Variants in ADARB2 observed in about 807,000 individuals in gnomAD.
The protein encoded by ADARB2 is inactive double-stranded RNA-specific editase B2.
In ADARB2, 25 loss-of-function variants were observed where a neutral mutation model predicts 62.2. The ratio of observed to expected loss-of-function variants is 0.40; its 90% CI spans 0.29 to 0.56. ADARB2 has a LOEUF of 0.56. Among genes scored for constraint, ADARB2 ranks in the 20% least tolerant of loss-of-function variants. The pLI is 0.43. For synonymous variants in ADARB2, 572 were observed against 500.8 expected, an observed-to-expected ratio of 1.14 and a Z score of -1.90; for missense variants, 1,071 against 1,077.4, an observed-to-expected ratio of 0.99 and a Z score of 0.08.
intron 1 of ADARB2, among the ~76,000 whole-genome samples, chr10:1,523,555 T>A (rs1240555439): frequency 6.6e-6 from 1 of 152,250 alleles, no homozygotes; most frequent in African/African-American, 2.4e-5. Flanking sequence ...ATCACGAGTT[T>A]CTGCATTTTG....
chr10:1,200,428 G>C (rs1016298942), intron 7 of ADARB2: 1 of 478,796 alleles, frequency 2.1e-6, no homozygotes. Context: ...TTCTCTGTGG[G>C]ACTTAGAATT....
intron 1 of ADARB2, among the ~76,000 whole-genome samples, chr10:1,578,629 C>G (rs1343474381): frequency 1.3e-5 from 2 of 151,210 alleles, no homozygotes; most frequent in African/African-American, 4.9e-5. Flanking sequence ...CCACTGTTCT[C>G]CATGAGCTCA....
intron 2 of ADARB2, among the ~76,000 whole-genome samples, chr10:1,373,814 G>A (rs2805502): frequency 0.33 from 26,817 of 82,214 alleles, 4,253 homozygotes; most frequent in East Asian, 0.55. Flanking sequence ...TAGTGAGACC[G>A]CGTGGACTCC....
At chr10:1,409,647 T>C (rs1588247801) in intron 1 of ADARB2, among the ~76,000 whole-genome samples, 1 of 138,402 alleles carries the variant, frequency 7.2e-6, no homozygotes, top group Non-Finnish European at 1.6e-5. Context: ...GGCCTGGCTG[T>C]GGTCATGGTG....
intron 4 of ADARB2, among the ~76,000 whole-genome samples, chr10:1,264,451 G>A (rs1459840609): frequency 6.6e-6 from 1 of 152,192 alleles, no homozygotes; most frequent in African/African-American, 2.4e-5. Context: ...GGAAAGAGAA[G>A]TTTTAACTGT....
At chr10:1,519,554 A>G (rs902997619) in intron 1 of ADARB2, among the ~76,000 whole-genome samples, 1 of 152,176 alleles carries the variant, frequency 6.6e-6, no homozygotes, top group Non-Finnish European at 1.5e-5. Flanking sequence ...GCAGAGAGCC[A>G]TCATCCCCGG....
intron 1 of ADARB2, among the ~76,000 whole-genome samples, chr10:1,387,654 G>T (rs1416896241): frequency 6.6e-6 from 1 of 151,876 alleles, no homozygotes; most frequent in Admixed American, 6.6e-5. Context: ...AGCTCCCTCT[G>T]GTGAACTGCA....
chr10:1,356,581 G>C (rs1832198102), intron 3 of ADARB2, among the ~76,000 whole-genome samples: 1 of 152,230 alleles, frequency 6.6e-6, no homozygotes, highest in South Asian at 2.1e-4. Context: ...ATGATGGAGG[G>C]GAGTTGGGGC....
At chr10:1,434,508 T>C (rs1588256395) in intron 1 of ADARB2, among the ~76,000 whole-genome samples, 1 of 152,154 alleles carries the variant, frequency 6.6e-6, no homozygotes, top group Non-Finnish European at 1.5e-5. Flanking sequence ...ACGGCTGGAA[T>C]AGGACAAAAG....
Position 1,255,342 on chromosome 10 carries a change from G to A in ADARB2, c.1193-13043C>T, listed in dbSNP as rs535627602. Among the ~76,000 whole-genome samples the A allele has an allele frequency of 7.9e-5, 12 of 152,372 alleles. No homozygotes were observed. The South Asian group carries it at 8.3e-4, about 11-fold the overall frequency. ...GTGCCACGTCACGTAGCTTGTCCTC[G>A]TCAGTGCAGCTGACGCTCACCAAGC... On this transcript the variant is annotated intron_variant, in intron 4 of 9. Transcript: ENST00000381312. This position sits in a 1 kb window ranked among gnomAD's most constrained non-coding sequence, Gnocchi z 4.7.
At chr10:1,375,939 GACAC>G (rs1026242174) in intron 2 of ADARB2, among the ~76,000 whole-genome samples, 4 of 128,310 alleles carry the variant, frequency 3.1e-5, no homozygotes, top group Admixed American at 1.6e-4. Context: ...CACGTGCACA[GACAC>G]ACACCACACA....
intron 2 of ADARB2, among the ~76,000 whole-genome samples, chr10:1,371,966 A>T (rs1832376612): frequency 6.6e-6 from 1 of 152,112 alleles, no homozygotes; most frequent in South Asian, 2.1e-4. Flanking sequence ...CTGGGCATCT[A>T]CCCAAAGGAA....
intron 4 of ADARB2, among the ~76,000 whole-genome samples, chr10:1,258,057 A>G (rs1214005738): frequency 6.6e-6 from 1 of 152,186 alleles, no homozygotes; most frequent in Non-Finnish European, 1.5e-5. Context: ...CTGCTCACAG[A>G]TAATGCACAG....
chr10:1,429,076 C>T (rs1830751305), intron 1 of ADARB2, among the ~76,000 whole-genome samples: 1 of 151,930 alleles, frequency 6.6e-6, no homozygotes, highest in Admixed American at 6.6e-5. Flanking sequence ...TGGAGGGCAC[C>T]AGTGTCTATA....
chr10:1,430,566 T>C (rs1340329390), intron 1 of ADARB2, among the ~76,000 whole-genome samples: 3 of 152,134 alleles, frequency 2.0e-5, no homozygotes, highest in East Asian at 1.9e-4. Context: ...AAAGATATAC[T>C]GTATAAGTAG....
intron 1 of ADARB2, among the ~76,000 whole-genome samples, chr10:1,599,775 C>A (rs1335389688): frequency 1.3e-5 from 2 of 152,106 alleles, no homozygotes; most frequent in African/African-American, 4.8e-5. Flanking sequence ...GGGTGCTGCT[C>A]TGTTGCCGAG....
chr10:1,206,498 C>T lies in ADARB2; in HGVS notation c.1683-6351G>A, dbSNP rs186390595. 1.9e-3 allele frequency among the ~76,000 whole-genome samples: 286 copies of T among 150,600 alleles called. 3 individuals are homozygous for T. The highest frequency in any genetic ancestry group is 6.3e-3 in the African/African-American group (258 of 41,064). Reference sequence around the variant, plus strand: ...TGAGAGAACTGCGGGGTCTCCTCCTCGTGCCTGTGTGGTCTGAGAGAACTG... The same window carrying T: ...TGAGAGAACTGCGGGGTCTCCTCCTTGTGCCTGTGTGGTCTGAGAGAACTG... On this transcript the variant is annotated intron_variant, in intron 7 of 9. Transcript: ENST00000381312.
intron 1 of ADARB2, among the ~76,000 whole-genome samples, chr10:1,511,569 C>T (rs1353907938): frequency 5.9e-5 from 9 of 152,102 alleles, no homozygotes; most frequent in South Asian, 2.1e-4. Flanking sequence ...AAGAATCAGC[C>T]GAGGAAGGAT....
intron 1 of ADARB2, among the ~76,000 whole-genome samples, chr10:1,440,121 G>C (rs1341475719): frequency 6.6e-6 from 1 of 151,414 alleles, no homozygotes; most frequent in Non-Finnish European, 1.5e-5. Context: ...TCCTCATGAT[G>C]GGGCTCCTGA....
Sources: allele counts gnomAD v4.1 joint callset (sites outside exome capture counted in the v4.1 genomes callset), GRCh38; gene constraint gnomAD v4.1.1; non-coding constraint Gnocchi (gnomAD v3.1); transcripts MANE v1.5; gene names NCBI Gene and HGNC (gene_info 2026-07-23, HGNC 2026-07-21).